SLC35A1: variants seen among roughly 807,000 people sequenced by gnomAD.
The protein encoded by SLC35A1 is CMP-sialic acid transporter.
Under a neutral mutation model 40.3 loss-of-function variants are expected in SLC35A1, and 21 were observed. That is an observed-to-expected ratio of 0.52 (90% confidence interval 0.37 to 0.75). The LOEUF is 0.75. Ranked by LOEUF, SLC35A1 falls within the 30% of genes least tolerant of loss-of-function variation. SLC35A1 has a pLI of 0.00. For missense variants in SLC35A1, 297 were observed against 382.1 expected, an observed-to-expected ratio of 0.78 and a Z score of 1.86; for synonymous variants, 146 against 147.3, an observed-to-expected ratio of 0.99 and a Z score of 0.06.
intron 2 of SLC35A1, among the ~76,000 whole-genome samples, chr6:87,498,136 A>G (rs114995415): frequency 6.6e-6 from 1 of 152,292 alleles, no homozygotes; most frequent in African/African-American, 2.4e-5. Flanking sequence ...TTTAGCATGA[A>G]GAATCTTACA....
chr6:87,484,141 C>T (rs1769326795), intron 2 of SLC35A1, among the ~76,000 whole-genome samples: 1 of 152,158 alleles, frequency 6.6e-6, no homozygotes, highest in Non-Finnish European at 1.5e-5. Context: ...CCTCAGGTTG[C>T]CAGCCGGTTT....
chr6:87,473,109 G>A, intron 1 of SLC35A1, 90 bp downstream of exon 1: 1 of 416,424 alleles, frequency 2.4e-6, no homozygotes, highest in Non-Finnish European at 4.3e-6. Flanking sequence ...GGGCAGCGGA[G>A]CACCCTGGTT....
At chr6:87,481,107 T>G (rs1769229522) in intron 2 of SLC35A1, among the ~76,000 whole-genome samples, 1 of 152,178 alleles carries the variant, frequency 6.6e-6, no homozygotes, top group East Asian at 1.9e-4. Context: ...GAGAAACTGA[T>G]CTTTTGTTTT....
chr6:87,483,823 G>A (rs1356182527), intron 2 of SLC35A1, among the ~76,000 whole-genome samples: 2 of 152,118 alleles, frequency 1.3e-5, no homozygotes, highest in Non-Finnish European at 1.5e-5. Context: ...TGTCCTCTCT[G>A]GCTGCTCCCC....
intron 5 of SLC35A1, among the ~76,000 whole-genome samples, chr6:87,507,967 T>C (rs1276019219): frequency 6.6e-6 from 1 of 152,142 alleles, no homozygotes; most frequent in Non-Finnish European, 1.5e-5. Context: ...TCTGAAAAGA[T>C]TCCTAGTGGT....
intron 7 of SLC35A1, among the ~76,000 whole-genome samples, 197 bp from the exon 8 acceptor site, chr6:87,511,202 C>A (rs1238921516): frequency 2.0e-5 from 3 of 152,098 alleles, no homozygotes; most frequent in Non-Finnish European, 2.9e-5. Context: ...CAACAAAACA[C>A]TGCCTTGATT....
intron 2 of SLC35A1, among the ~76,000 whole-genome samples, chr6:87,484,785 G>A (rs550611918): frequency 6.6e-6 from 1 of 152,304 alleles, no homozygotes; most frequent in East Asian, 1.9e-4. Context: ...GCTTTACAAA[G>A]AAGTTAAGTT....
At chr6:87,483,646 G>C (rs1255488345) in intron 2 of SLC35A1, among the ~76,000 whole-genome samples, 1 of 152,034 alleles carries the variant, frequency 6.6e-6, no homozygotes, top group Non-Finnish European at 1.5e-5. Context: ...GTCTTGCCTT[G>C]CCTGCCGTGG....
intron 2 of SLC35A1, among the ~76,000 whole-genome samples, chr6:87,496,791 AAAAG>A (rs1183879834): frequency 3.6e-5 from 5 of 139,242 alleles, no homozygotes; most frequent in East Asian, 2.1e-4. Flanking sequence ...AAAAAAAAAA[AAAAG>A]AAAAACCCAC....
intron 4 of SLC35A1, 133 bp from the exon 5 acceptor site, chr6:87,506,249 G>A: frequency 1.4e-6 from 1 of 736,072 alleles, no homozygotes; most frequent in South Asian, 1.6e-5. Context: ...GTCTTATTCT[G>A]TAGAATAGCT....
chr6:87,487,345 A>G (rs1197116943), intron 2 of SLC35A1, among the ~76,000 whole-genome samples: 1 of 152,172 alleles, frequency 6.6e-6, no homozygotes, highest in East Asian at 1.9e-4. Context: ...AGAGAAGTTA[A>G]TGGATTTGAG....
chr6:87,504,639 C>T (rs1435671038), intron 4 of SLC35A1, among the ~76,000 whole-genome samples: 1 of 152,208 alleles, frequency 6.6e-6, no homozygotes, highest in Non-Finnish European at 1.5e-5. Context: ...TTGGCTCATG[C>T]TCAGATCACA....
intron 2 of SLC35A1, among the ~76,000 whole-genome samples, chr6:87,498,730 A>G (rs568805560): frequency 6.6e-6 from 1 of 152,292 alleles, no homozygotes; most frequent in South Asian, 2.1e-4. Flanking sequence ...AGATTGCACC[A>G]TTGCACTCCA....
At chr6:87,490,385 G>A (rs1352468254) in intron 2 of SLC35A1, among the ~76,000 whole-genome samples, 1 of 143,852 alleles carries the variant, frequency 7.0e-6, no homozygotes, top group African/African-American at 2.6e-5. Flanking sequence ...CCAGGCTGGT[G>A]TACAGTGGCG....
chr6:87,493,275 C>A (rs1234897230), intron 2 of SLC35A1, among the ~76,000 whole-genome samples: 1 of 152,092 alleles, frequency 6.6e-6, no homozygotes, highest in African/African-American at 2.4e-5. Flanking sequence ...CTTTCCCTGC[C>A]CCAACCCTGA....
At position 87,472,995 on chromosome 6, in the gene SLC35A1, C is replaced by A; in HGVS notation, c.-9C>A. ...GGGCGTCAGTTCCGCGGGGGGCTGTCGGGGAACCATGGCTGCCCCGAGAGG... is the reference window on the plus strand; with the variant it reads ...GGGCGTCAGTTCCGCGGGGGGCTGTAGGGGAACCATGGCTGCCCCGAGAGG... On this transcript the variant is annotated 5_prime_UTR_variant, in exon 1 of 8. Transcript: ENST00000369552. The A allele has an allele frequency of 1.5e-6, 1 of 676,578 alleles. No individual in the cohort carries two copies. Among genetic ancestry groups the A allele is most frequent in the Non-Finnish European group, 2.3e-6 (1 of 444,388 alleles). 41.9% of individuals were successfully genotyped at this position (676,578 alleles called of 1,614,324 possible).
At chr6:87,490,402 C>T (rs894017931) in intron 2 of SLC35A1, among the ~76,000 whole-genome samples, 2 of 137,384 alleles carry the variant, frequency 1.5e-5, no homozygotes, top group African/African-American at 5.5e-5. Context: ...GGCGTGATTT[C>T]GGCTCACTGC....
At chr6:87,481,103 C>G (rs758065394) in intron 2 of SLC35A1, among the ~76,000 whole-genome samples, 8 of 152,182 alleles carry the variant, frequency 5.3e-5, no homozygotes, top group Non-Finnish European at 1.0e-4. Context: ...TTATGAGAAA[C>G]TGATCTTTTG....
rs140747093 is a variant in SLC35A1, at chr6:87,508,956, C to T, written c.752-85C>T. 1.2e-5 allele frequency: 17 copies of T among 1,385,446 alleles called. No homozygotes were observed. In the African/African-American group the frequency reaches 1.8e-4, roughly 15 times the overall value. 85.8% of individuals were successfully genotyped at this position (1,385,446 alleles called of 1,614,324 possible). On this transcript the variant is annotated intron_variant, in intron 6 of 7. Transcript: ENST00000369552. ...TTTCCTTTTCCTAGGTAAAGTATGG[C>T]ATCTCTGGGGATGAAAATTGCCTCA...
Sources: gnomAD v4.1 joint callset for allele counts (sites outside exome capture counted in the v4.1 genomes callset) on GRCh38, gnomAD v4.1.1 for gene constraint, MANE v1.5 for transcripts, NCBI Gene and HGNC (gene_info 2026-07-23, HGNC 2026-07-21) for gene names.